Variants in ETFRF1 observed in about 807,000 individuals in gnomAD.
ETFRF1 encodes LYR motif containing 5.
In ETFRF1, 12 loss-of-function variants were observed where a neutral mutation model predicts 9.0. The ratio of observed to expected loss-of-function variants is 1.34; its 90% CI spans 0.86 to 2.16. ETFRF1 has a LOEUF of 2.16. Among genes scored for constraint, ETFRF1 ranks in the 30% most tolerant of loss-of-function variants. ETFRF1 has a pLI of 0.00. For synonymous variants in ETFRF1, 34 were observed against 33.2 expected (o/e 1.02, Z -0.08); for missense variants, 98 against 101.8 (o/e 0.96, Z 0.16).
intron 1 of ETFRF1, chr12:25,203,623 T>G: frequency 4.8e-6 from 1 of 209,018 alleles, no homozygotes; most frequent in Non-Finnish European, 9.4e-6. Flanking sequence ...CACTGTGGCA[T>G]AAAAGGAGGT....
intron 1 of ETFRF1, among the ~76,000 whole-genome samples, chr12:25,200,360 T>G (rs974639082): frequency 3.3e-5 from 5 of 152,184 alleles, no homozygotes; most frequent in Admixed American, 6.5e-5. Context: ...TTAAAATTTT[T>G]TCCCAAATTG....
chr12:25,204,042 T>C (rs1951101730), intron 2 of ETFRF1, 35 bp downstream of exon 2: 3 of 1,532,410 alleles, frequency 2.0e-6, no homozygotes, highest in Non-Finnish European at 1.8e-6. Flanking sequence ...ATAAAAATGT[T>C]ATTATATGAC....
Position 25,195,357 on chromosome 12 carries a change from G to C in ETFRF1, c.-38+20G>C. 1.7e-6 allele frequency: 1 copy of C among 590,298 alleles called. No homozygotes were observed. Among genetic ancestry groups the C allele is most frequent in the South Asian group, 2.0e-5 (1 of 50,086 alleles). The allele number at this position is 590,298 out of a possible 1,614,324, so 36.6% of individuals were successfully genotyped here. A position where few individuals can be genotyped will look rare whatever the true frequency, so the allele number is the denominator to read the frequency against. ...CGGAAAGTGCGTGAGTGCCGCCGCC[G>C]GGGAGTTTTGTTCCATTTCCCGGAT... On this transcript the variant is annotated intron_variant, in intron 1 of 2. Transcript: ENST00000381356.
chr12:25,196,874 G>A (rs1021315799), intron 1 of ETFRF1, among the ~76,000 whole-genome samples: 11 of 152,304 alleles, frequency 7.2e-5, no homozygotes, highest in African/African-American at 2.6e-4. Context: ...AAACTGCATT[G>A]CCTGGTGTGG....
At chr12:25,201,771 G>T (rs953371372) in intron 1 of ETFRF1, among the ~76,000 whole-genome samples, 3 of 152,036 alleles carry the variant, frequency 2.0e-5, no homozygotes, top group Non-Finnish European at 4.4e-5. Flanking sequence ...CTACACTATT[G>T]TACTTCGGGG....
intron 1 of ETFRF1, among the ~76,000 whole-genome samples, chr12:25,199,306 CATAGTACAT>C (rs55910900): frequency 0.02 from 2,881 of 147,450 alleles, 39 homozygotes; most frequent in Middle Eastern, 0.036. Flanking sequence ...GTATGTACTA[CATAGTACAT>C]ATAGTACATA....
At chr12:25,203,755 T>C (rs1951097042) in intron 1 of ETFRF1, 165 bp from the exon 2 acceptor site, 2 of 405,102 alleles carry the variant, frequency 4.9e-6, no homozygotes, top group Admixed American at 8.9e-5. Flanking sequence ...CAGGTAATTT[T>C]ATCGGAAGTG....
In ETFRF1 at chr12:25,205,008, T is replaced by G. The variant is rs1320367443; in HGVS notation, c.*696T>G. On this transcript the variant is annotated 3_prime_UTR_variant, in exon 3 of 3. Coordinates refer to ENST00000381356, the MANE Select transcript of ETFRF1 (RefSeq NM_001001660.3). ...GATAAAAGGAAATAAATAAATAATG[T>G]TATCCTATTTTTTTGTCATAAAGGC... 4 of 207,568 alleles carry G rather than the reference T, an allele frequency of 1.9e-5. No individual in the cohort carries two copies. Among genetic ancestry groups the G allele is most frequent in the African/African-American group, 6.8e-5 (3 of 43,876 alleles). 12.9% of individuals were successfully genotyped at this position (207,568 alleles called of 1,614,324 possible). A position where few individuals can be genotyped will look rare whatever the true frequency, so the allele number is the denominator to read the frequency against.
Position 25,204,966 on chromosome 12 carries a change from T to TATC in ETFRF1, c.*656_*658dup, listed in dbSNP as rs1555191798. 8.8e-5 allele frequency: 18 copies of TATC among 204,348 alleles called. No individual in the cohort carries two copies. The East Asian group carries it at 1.0e-3, about 12-fold the overall frequency. The allele number at this position is 204,348 out of a possible 1,614,324, so 12.7% of individuals were successfully genotyped here. The stretch of plus-strand genomic sequence containing the variant: ...GCCTAAAACCAAGTCACCTGTTGTG[T>TATC]ATCAATTACCTTCTTTGATAAAAGG... On this transcript the variant is annotated 3_prime_UTR_variant, in exon 3 of 3. Transcript: ENST00000381356.
rs1338672161 is a variant in ETFRF1 at position 25,204,283 on chromosome 12, T to C, written c.244T>C (p.Tyr82His). The C allele has an allele frequency of 6.3e-7, 1 of 1,584,080 alleles. No individual in the cohort carries two copies. Among genetic ancestry groups the C allele is most frequent in the Non-Finnish European group, 8.5e-7 (1 of 1,171,048 alleles). ...LRKYRAMKQR[Y>H]YSDTNKTN is the part of the protein sequence containing the mutation. ...GAAATACAGAGCTATGAAACAACGC[T>C]ATTATTCAGATACCAACAAAACTAA... The change falls in exon 3 of 3, where the codon TAT becomes CAT. Residue 82 changes from tyrosine (Y) to histidine (H), a missense_variant. Physicochemically the swap from Tyr to His is moderately conservative, Grantham distance 83 (BLOSUM62 2). Coordinates refer to ENST00000381356, the MANE Select transcript of ETFRF1 (RefSeq NM_001001660.3).
chr12:25,201,577 G>A (rs1273527615), intron 1 of ETFRF1, among the ~76,000 whole-genome samples: 1 of 151,894 alleles, frequency 6.6e-6, no homozygotes, highest in Non-Finnish European at 1.5e-5. Context: ...TGAATGATGG[G>A]TACCCAGATG....
chr12:25,200,809 G>T (rs1036419401), intron 1 of ETFRF1, among the ~76,000 whole-genome samples: 1 of 152,194 alleles, frequency 6.6e-6, no homozygotes, highest in African/African-American at 2.4e-5. Context: ...TCAACATAGA[G>T]GATAGGCAAG....
Position 25,195,319 on chromosome 12 carries a change from G to T in ETFRF1, c.-56G>T. 8.3e-6 allele frequency: 5 copies of T among 603,386 alleles called. No individual in the cohort carries two copies. Among genetic ancestry groups the T allele is most frequent in the South Asian group, 3.9e-5 (2 of 50,720 alleles). 37.4% of individuals were successfully genotyped at this position (603,386 alleles called of 1,614,324 possible). A position where few individuals can be genotyped will look rare whatever the true frequency, so the allele number is the denominator to read the frequency against. ...GAGTCGTAGCGGTCGAGGCTTTTGC[G>T]GCTCCGGCGTGCCGGAAAGTGCGTG... On this transcript the variant is annotated 5_prime_UTR_variant, in exon 1 of 3. Coordinates refer to ENST00000381356, the MANE Select transcript of ETFRF1 (RefSeq NM_001001660.3).
chr12:25,203,712 A>G, intron 1 of ETFRF1: 1 of 349,126 alleles, frequency 2.9e-6, no homozygotes. Flanking sequence ...GTCTTTGCTT[A>G]TGTCTCCCAT....
chr12:25,203,866 TA>T lies in ETFRF1; in HGVS notation c.-37-53del, dbSNP rs1951098634. 5.9e-6 allele frequency: 6 copies of T among 1,018,002 alleles called. No individual in the cohort carries two copies. The South Asian group carries it at 1.1e-4, about 19-fold the overall frequency. 63.1% of individuals were successfully genotyped at this position (1,018,002 alleles called of 1,614,324 possible). A position where few individuals can be genotyped will look rare whatever the true frequency, so the allele number is the denominator to read the frequency against. On this transcript the variant is annotated intron_variant, in intron 1 of 2. Coordinates refer to ENST00000381356, the MANE Select transcript of ETFRF1 (RefSeq NM_001001660.3). Reference sequence around the variant, plus strand: ...TTTCTCAATGTGTATAACCTTTTTTTATTTTTTTAAGACTACAATGCAGCTA... The same window carrying T: ...TTTCTCAATGTGTATAACCTTTTTTTTTTTTTTAAGACTACAATGCAGCTA...
Position 25,205,066 on chromosome 12 carries a change from T to TTTAAG in ETFRF1, c.*757_*761dup. On this transcript the variant is annotated 3_prime_UTR_variant, in exon 3 of 3. Coordinates refer to ENST00000381356, the MANE Select transcript of ETFRF1 (RefSeq NM_001001660.3). ...TTTTGCATCTACTTCTAAATATGGT[T>TTTAAG]TTAAGTTTAAGCAAACACGCCTTTA... 1 of 213,292 alleles carries TTTAAG rather than the reference T, an allele frequency of 4.7e-6. No homozygotes were observed. Among genetic ancestry groups the TTTAAG allele is most frequent in the East Asian group, 7.0e-5 (1 of 14,206 alleles). The allele number at this position is 213,292 out of a possible 1,614,324, so 13.2% of individuals were successfully genotyped here. A position where few individuals can be genotyped will look rare whatever the true frequency, so the allele number is the denominator to read the frequency against.
At chr12:25,202,656 A>T (rs1041041022) in intron 1 of ETFRF1, among the ~76,000 whole-genome samples, 6 of 152,028 alleles carry the variant, frequency 3.9e-5, no homozygotes, top group Non-Finnish European at 8.8e-5. Flanking sequence ...CAGAGAGTAG[A>T]GTGTGTGCGC....
chr12:25,198,968 G>A (rs1054574108), intron 1 of ETFRF1, among the ~76,000 whole-genome samples: 1 of 152,096 alleles, frequency 6.6e-6, no homozygotes, highest in African/African-American at 2.4e-5. Context: ...CCACGAATTG[G>A]CAGCCTTGTG....
At chr12:25,201,054 G>C (rs569860247) in intron 1 of ETFRF1, among the ~76,000 whole-genome samples, 10 of 152,302 alleles carry the variant, frequency 6.6e-5, no homozygotes, top group African/African-American at 2.4e-4. Flanking sequence ...TGAAATTCCT[G>C]CTCTCTTCTG....
Sources: gnomAD v4.1 joint callset for allele counts (sites outside exome capture counted in the v4.1 genomes callset) on GRCh38, gnomAD v4.1.1 for gene constraint, MANE v1.5 for transcripts, NCBI Gene and HGNC (gene_info 2026-07-23, HGNC 2026-07-21) for gene names.